GDF11: variants seen among roughly 807,000 people sequenced by gnomAD.
GDF11 encodes growth differentiation factor 11.
A neutral mutation model predicts 34.4 loss-of-function variants in GDF11; 12 were observed. The observed-to-expected ratio is 0.35, with a 90% confidence interval of 0.22 to 0.57. The LOEUF is 0.57. GDF11 is among the 20% of genes least tolerant of loss of function. GDF11 has a pLI of 0.86. For missense variants in GDF11, 346 were observed against 548.2 expected, an observed-to-expected ratio of 0.63 and a Z score of 3.68; for synonymous variants, 212 against 231.1, an observed-to-expected ratio of 0.92 and a Z score of 0.75.
chr12:55,744,786 C>A (rs1368866429), intron 1 of GDF11, among the ~76,000 whole-genome samples: 2 of 152,072 alleles, frequency 1.3e-5, no homozygotes, highest in African/African-American at 2.4e-5. Context: ...CAGCCCCCTG[C>A]AACACACACA....
chr12:55,753,568 G>A lies in GDF11; in HGVS notation c.*3686G>A, dbSNP rs1019551050. ...GCGGATCATGCAAGGTCCGGAGTTC[G>A]AGACCATGCTGGCCAACATTGTGAA... On this transcript the variant is annotated 3_prime_UTR_variant, in exon 3 of 3. Transcript: ENST00000257868. 3 of 151,994 alleles carry A rather than the reference G, an allele frequency of 2.0e-5. No individual in the cohort carries two copies. Among genetic ancestry groups the A allele is most frequent in the African/African-American group, 4.8e-5 (2 of 41,368 alleles). The allele number at this position is 151,994 out of a possible 1,614,324, so 9.4% of individuals were successfully genotyped here. A position where few individuals can be genotyped will look rare whatever the true frequency, so the allele number is the denominator to read the frequency against.
chr12:55,748,725 G>C lies in GDF11; in HGVS notation c.585G>C (p.Leu195=). 3 of 1,614,262 alleles carry C rather than the reference G, an allele frequency of 1.9e-6. No homozygotes were observed. Among genetic ancestry groups the C allele is most frequent in the Non-Finnish European group, 2.5e-6 (3 of 1,180,048 alleles). Residue 195 remains leucine, a synonymous_variant, in exon 2 of 3, where the codon CTG becomes CTC. Transcript: ENST00000257868. This position sits in a 1 kb window ranked among gnomAD's most constrained non-coding sequence, Gnocchi z 5.6. The part of the protein sequence containing the change: ...RPVPRPATVY[L]QILRLKPLTG... ...TACCCCGCCCAGCCACAGTCTACCT[G>C]CAGATCTTGCGACTAAAACCCCTAA... is the stretch of plus-strand genomic sequence containing the variant.
chr12:55,745,414 T>G (rs1007323098), intron 1 of GDF11, among the ~76,000 whole-genome samples: 2 of 151,896 alleles, frequency 1.3e-5, no homozygotes, highest in African/African-American at 4.8e-5. Context: ...AGTTGGGCTG[T>G]GCAGGTGAGG....
At chr12:55,746,751 A>G (rs1878193825) in intron 1 of GDF11, among the ~76,000 whole-genome samples, 1 of 152,276 alleles carries the variant, frequency 6.6e-6, no homozygotes, top group South Asian at 2.1e-4. Context: ...GTTAATGCTC[A>G]GCACTCATGT....
Position 55,748,470 on chromosome 12 carries a change from G to C in GDF11, c.446-116G>C. 4.7e-6 allele frequency: 4 copies of C among 858,650 alleles called. No homozygotes were observed. In the South Asian group the frequency reaches 6.5e-5, roughly 14 times the overall value. The allele number at this position is 858,650 out of a possible 1,614,324, so 53.2% of individuals were successfully genotyped here. A position where few individuals can be genotyped will look rare whatever the true frequency, so the allele number is the denominator to read the frequency against. On this transcript the variant is annotated intron_variant, in intron 1 of 2. Coordinates refer to ENST00000257868, the MANE Select transcript of GDF11 (RefSeq NM_005811.5). This position sits in a 1 kb window ranked among gnomAD's most constrained non-coding sequence, Gnocchi z 5.6. ...TGGTATAAGATAGGCATGGGAGAAG[G>C]GTAAAGAAGAACTGGAAAATCAGGC...
Position 55,748,546 on chromosome 12 carries a change from A to G in GDF11, c.446-40A>G. The G allele has an allele frequency of 1.3e-6, 2 of 1,555,972 alleles. No homozygotes were observed. Among genetic ancestry groups the G allele is most frequent in the South Asian group, 1.2e-5 (1 of 82,114 alleles). ...ACCCAGGACTACTGATCCCCTACAC[A>G]AACACCCTTTGCTGATGCTGTGCCC... On this transcript the variant is annotated intron_variant, in intron 1 of 2. Transcript: ENST00000257868. This position sits in a 1 kb window ranked among gnomAD's most constrained non-coding sequence, Gnocchi z 5.6.
rs927951460 is a variant in GDF11 at position 55,752,749 on chromosome 12, G to C, written c.*2867G>C. On this transcript the variant is annotated 3_prime_UTR_variant, in exon 3 of 3. Transcript: ENST00000257868. ...GGGAACCACTGCAAAAAGGCCATCA[G>C]GCAGTTTTCAAGTTATGTGACAGAG... 6.6e-6 allele frequency: 1 copy of C among 152,144 alleles called. No homozygotes were observed. Among genetic ancestry groups the C allele is most frequent in the Non-Finnish European group, 1.5e-5 (1 of 68,038 alleles). The allele number at this position is 152,144 out of a possible 1,614,324, so 9.4% of individuals were successfully genotyped here.
In GDF11 at chr12:55,756,949, T is replaced by C. The variant is rs1450649944; in HGVS notation, c.*7067T>C. On this transcript the variant is annotated 3_prime_UTR_variant, in exon 3 of 3. Coordinates refer to ENST00000257868, the MANE Select transcript of GDF11 (RefSeq NM_005811.5). ...TTAGCTAATAACAGAAGGCTACTAA[T>C]CACTGCCCTTGTATTTATATCCTTT... is the stretch of plus-strand genomic sequence containing the variant. 1 of 152,244 alleles carries C rather than the reference T, an allele frequency of 6.6e-6. No homozygotes were observed. 9.4% of individuals were successfully genotyped at this position (152,244 alleles called of 1,614,324 possible).
In GDF11 at chr12:55,743,667, C is replaced by A; in HGVS notation, c.351C>A (p.His117Gln). The change falls in exon 1 of 3, where the codon CAC becomes CAA. Residue 117 changes from histidine (H) to glutamine (Q), a missense_variant. This residue lies in a region of GDF11 where 141 missense variants were observed against 213.8 expected (regional missense o/e 0.66). Coordinates refer to ENST00000257868, the MANE Select transcript of GDF11 (RefSeq NM_005811.5). Reference protein sequence around the residue: ...APPLQQILDLHDFQGDALQPE... With the variant: ...APPLQQILDLQDFQGDALQPE... ...CGCTGCAGCAGATCCTGGACCTACA[C>A]GACTTCCAGGGCGACGCGCTGCAGC... 2 of 1,604,082 alleles carry A rather than the reference C, an allele frequency of 1.2e-6. No individual in the cohort carries two copies. The highest frequency in any genetic ancestry group is 1.7e-6 in the Non-Finnish European group (2 of 1,179,770).
In GDF11 at chr12:55,750,000, C is replaced by G. The variant is rs576321212; in HGVS notation, c.*118C>G. 1.1e-6 allele frequency: 1 copy of G among 886,880 alleles called. No individual in the cohort carries two copies. The highest frequency in any genetic ancestry group is 1.7e-6 in the Non-Finnish European group (1 of 580,408). The allele number at this position is 886,880 out of a possible 1,614,324, so 54.9% of individuals were successfully genotyped here. A position where few individuals can be genotyped will look rare whatever the true frequency, so the allele number is the denominator to read the frequency against. ...TTCCCGCGAACATCACACCGTTCCC[C>G]GACCAAGCCGTGTGCAATACAACAG... On this transcript the variant is annotated 3_prime_UTR_variant, in exon 3 of 3. Transcript: ENST00000257868. The surrounding 1 kb of genome is among the most constrained non-coding windows in gnomAD (Gnocchi z 5.6).
Position 55,748,880 on chromosome 12 carries a change from G to T in GDF11, c.740G>T (p.Trp247Leu). ...GACTTCAAGCAAGTGCTACACAGCTGGTTCCGCCAGCCACAGAGCAACTGG... is the reference window on the plus strand; with the variant it reads ...GACTTCAAGCAAGTGCTACACAGCTTGTTCCGCCAGCCACAGAGCAACTGG... ...SIDFKQVLHS[W>L]FRQPQSNWGI... Residue 247 changes from tryptophan (W) to leucine (L), a missense_variant, in exon 2 of 3, where the codon TGG becomes TTG. Physicochemically the swap from Trp to Leu is moderately conservative, Grantham distance 61. Around this residue, in one of 3 missense-constraint regions of GDF11, gnomAD observed 205 missense variants for 311.3 expected, o/e 0.66. Coordinates refer to ENST00000257868, the MANE Select transcript of GDF11 (RefSeq NM_005811.5). The surrounding 1 kb of genome is among the most constrained non-coding windows in gnomAD (Gnocchi z 5.6). The T allele has an allele frequency of 6.2e-7, 1 of 1,611,524 alleles. No homozygotes were observed.
rs764922779 is a variant in GDF11, at chr12:55,756,950, C to CACTT, written c.*7071_*7072insTACT. 4.6e-5 allele frequency: 7 copies of CACTT among 152,214 alleles called. No homozygotes were observed. The highest frequency in any genetic ancestry group is 1.0e-4 in the Non-Finnish European group (7 of 68,050). The allele number at this position is 152,214 out of a possible 1,614,324, so 9.4% of individuals were successfully genotyped here. On this transcript the variant is annotated 3_prime_UTR_variant, in exon 3 of 3. Coordinates refer to ENST00000257868, the MANE Select transcript of GDF11 (RefSeq NM_005811.5). Reference sequence around the variant, plus strand: ...TAGCTAATAACAGAAGGCTACTAATCACTGCCCTTGTATTTATATCCTTTG... The same window carrying CACTT: ...TAGCTAATAACAGAAGGCTACTAATCACTTACTGCCCTTGTATTTATATCCTTTG...
rs1480172126 is a variant in GDF11, at chr12:55,754,127, GA to G, written c.*4247del. ...GAGACCAACTACAAGACTAAGGCTG[GA>G]AGTGGTTGAGTAGCAGAAGTGTTAT... On this transcript the variant is annotated 3_prime_UTR_variant, in exon 3 of 3. Coordinates refer to ENST00000257868, the MANE Select transcript of GDF11 (RefSeq NM_005811.5). 1.3e-5 allele frequency: 2 copies of G among 152,180 alleles called. No individual in the cohort carries two copies. Among genetic ancestry groups the G allele is most frequent in the Non-Finnish European group, 2.9e-5 (2 of 68,040 alleles). The allele number at this position is 152,180 out of a possible 1,614,324, so 9.4% of individuals were successfully genotyped here.
Position 55,749,975 on chromosome 12 carries a change from T to G in GDF11, c.*93T>G. The G allele has an allele frequency of 9.3e-7, 1 of 1,079,648 alleles. No homozygotes were observed. Among genetic ancestry groups the G allele is most frequent in the Non-Finnish European group, 1.3e-6 (1 of 743,682 alleles). 66.9% of individuals were successfully genotyped at this position (1,079,648 alleles called of 1,614,324 possible). ...CCAAGCCCTAGAGCTCCCTCCACTC[T>G]TCCCGCGAACATCACACCGTTCCCC... On this transcript the variant is annotated 3_prime_UTR_variant, in exon 3 of 3. Transcript: ENST00000257868. The surrounding 1 kb of genome is among the most constrained non-coding windows in gnomAD (Gnocchi z 5.6).
chr12:55,749,010 T>G lies in GDF11; in HGVS notation c.843+27T>G. 6.3e-7 allele frequency: 1 copy of G among 1,576,166 alleles called. No individual in the cohort carries two copies. The highest frequency in any genetic ancestry group is 1.1e-5 in the South Asian group (1 of 87,040). ...TGAGCAGGGGGCCTGAGGTGGTGGA[T>G]ATGTGTAACCTGGCCCTGAGGAGAT... is the stretch of plus-strand genomic sequence containing the variant. On this transcript the variant is annotated intron_variant, in intron 2 of 2. Coordinates refer to ENST00000257868, the MANE Select transcript of GDF11 (RefSeq NM_005811.5). The surrounding 1 kb of genome is among the most constrained non-coding windows in gnomAD (Gnocchi z 5.6).
rs1418148183 is a variant in GDF11, at chr12:55,753,799, A to C, written c.*3917A>C. ...AAAAAAAAAAAAAAAAAAAAAAGGAAAGCAGGACCCAGTGGTGTGCTCCTG... is the reference window on the plus strand; with the variant it reads ...AAAAAAAAAAAAAAAAAAAAAAGGACAGCAGGACCCAGTGGTGTGCTCCTG... On this transcript the variant is annotated 3_prime_UTR_variant, in exon 3 of 3. Transcript: ENST00000257868. 2 of 149,234 alleles carry C rather than the reference A, an allele frequency of 1.3e-5. No homozygotes were observed. The highest frequency in any genetic ancestry group is 3.0e-5 in the Non-Finnish European group (2 of 67,648). 9.2% of individuals were successfully genotyped at this position (149,234 alleles called of 1,614,324 possible).
rs967814714 is a variant in GDF11 at position 55,754,329 on chromosome 12, A to G, written c.*4447A>G. On this transcript the variant is annotated 3_prime_UTR_variant, in exon 3 of 3. Coordinates refer to ENST00000257868, the MANE Select transcript of GDF11 (RefSeq NM_005811.5). ...TTTCTTTATCCTAAAACATCCTCCA[A>G]CCGAAGGCATGGGAAGCTATCCTAT... The G allele has an allele frequency of 2.0e-5, 3 of 152,126 alleles. No homozygotes were observed. The highest frequency in any genetic ancestry group is 4.4e-5 in the Non-Finnish European group (3 of 68,030). 9.4% of individuals were successfully genotyped at this position (152,126 alleles called of 1,614,324 possible).
intron 1 of GDF11, among the ~76,000 whole-genome samples, chr12:55,745,429 G>C (rs1176770214): frequency 6.6e-6 from 1 of 151,914 alleles, no homozygotes; most frequent in Non-Finnish European, 1.5e-5. Context: ...GTGAGGCCTG[G>C]GTCGGTGGGA....
chr12:55,743,880 T>C (rs1213352269), intron 1 of GDF11, 119 bp downstream of exon 1: 1 of 804,470 alleles, frequency 1.2e-6, no homozygotes. Context: ...CTGCGAAAAC[T>C]TGACGAATTA....
Sources: allele counts gnomAD v4.1 joint callset (sites outside exome capture counted in the v4.1 genomes callset), GRCh38; gene constraint gnomAD v4.1.1; regional missense constraint gnomAD v4.1.1; non-coding constraint Gnocchi (gnomAD v3.1); transcripts MANE v1.5; gene names NCBI Gene and HGNC (gene_info 2026-07-23, HGNC 2026-07-21).